Variants in NEXMIF observed in about 807,000 individuals in gnomAD.
NEXMIF encodes the protein neurite extension and migration factor, also known as XLMR protein related to neurite extension.
NEXMIF carries 8 observed loss-of-function variants against 62.1 expected under a neutral mutation model. The observed-to-expected ratio is 0.13, with a 90% CI of 0.08 to 0.23. The LOEUF is 0.23. Among genes scored for constraint, NEXMIF ranks in the 10% least tolerant of loss-of-function variants. NEXMIF has a pLI of 1.00. For synonymous variants in NEXMIF, 404 were observed against 416.6 expected (o/e 0.97, Z 0.37); for missense variants, 976 against 1,113.3 (o/e 0.88, Z 1.75).
intron 1 of NEXMIF, among the ~76,000 whole-genome samples, chrX:74,771,458 T>C (rs779058256): frequency 9.0e-6 from 1 of 111,587 alleles, no homozygotes; most frequent in Non-Finnish European, 1.9e-5. Context: ...TCTCAGTGTC[T>C]AGTACAGGGC....
intron 1 of NEXMIF, chrX:74,769,787 C>T: frequency 1.1e-5 from 6 of 534,297 alleles, no homozygotes; most frequent in Non-Finnish European, 2.0e-5. Flanking sequence ...AAGGACCTCC[C>T]TGACAACCTT....
chrX:74,807,140 A>T (rs2080347325), intron 1 of NEXMIF, among the ~76,000 whole-genome samples: 1 of 112,423 alleles, frequency 8.9e-6, no homozygotes, highest in Non-Finnish European at 1.9e-5. Context: ...GGAAGAAGTG[A>T]CATCTTGACA....
intron 1 of NEXMIF, among the ~76,000 whole-genome samples, chrX:74,841,904 T>C: frequency 8.9e-6 from 1 of 111,735 alleles, no homozygotes; most frequent in Non-Finnish European, 1.9e-5. Flanking sequence ...AGAATTTTTG[T>C]ATCAATGTTC....
At chrX:74,769,874 A>G in intron 1 of NEXMIF, 1 of 309,015 alleles carries the variant, frequency 3.2e-6, no homozygotes, top group Admixed American at 5.9e-5. Flanking sequence ...CCACCCTAAG[A>G]TAGTCAAACC....
At chrX:74,905,460 A>G (rs2080764475) in intron 1 of NEXMIF, among the ~76,000 whole-genome samples, 1 of 112,338 alleles carries the variant, frequency 8.9e-6, no homozygotes, top group Admixed American at 9.5e-5. Context: ...CCAAGTAGAG[A>G]TCCAAGTATT....
At chrX:74,794,697 C>T (rs951678674) in intron 1 of NEXMIF, among the ~76,000 whole-genome samples, 6 of 111,580 alleles carry the variant, frequency 5.4e-5, no homozygotes, top group African/African-American at 9.8e-5. Context: ...TTTTTAAGCC[C>T]GTCGGAAAAG....
chrX:74,756,621 T>C (rs1392467000), intron 1 of NEXMIF, among the ~76,000 whole-genome samples: 1 of 111,547 alleles, frequency 9.0e-6, no homozygotes, highest in Admixed American at 9.5e-5. Context: ...CCATTCTAGT[T>C]AGAATTCTGT....
chrX:74,912,536 A>T (rs1298487959), intron 1 of NEXMIF, among the ~76,000 whole-genome samples: 3 of 111,426 alleles, frequency 2.7e-5, no homozygotes, highest in African/African-American at 9.8e-5. Context: ...GCCCTACTGG[A>T]TCCATATTAA....
At chrX:74,822,543 A>G in intron 1 of NEXMIF, among the ~76,000 whole-genome samples, 1 of 112,241 alleles carries the variant, frequency 8.9e-6, no homozygotes, top group East Asian at 2.8e-4. Context: ...CAACTCAACA[A>G]TAAAAAAGTC....
chrX:74,843,388 G>A (rs1413228883), intron 1 of NEXMIF, among the ~76,000 whole-genome samples: 1 of 109,913 alleles, frequency 9.1e-6, no homozygotes, highest in African/African-American at 3.3e-5. Context: ...TGGGTCTCTT[G>A]AAGATAGCAT....
At chrX:74,838,576 T>C (rs1401745149) in intron 1 of NEXMIF, among the ~76,000 whole-genome samples, 1 of 112,317 alleles carries the variant, frequency 8.9e-6, no homozygotes, top group Admixed American at 9.4e-5. Flanking sequence ...CTTGAATGAG[T>C]GCTATTAACA....
At chrX:74,882,532 C>T (rs970829776) in intron 1 of NEXMIF, among the ~76,000 whole-genome samples, 3 of 111,903 alleles carry the variant, frequency 2.7e-5, no homozygotes, top group Non-Finnish European at 5.6e-5. Context: ...CCTACGCCCA[C>T]GGAGCCTCAC....
intron 1 of NEXMIF, among the ~76,000 whole-genome samples, chrX:74,848,999 T>C (rs960950131): frequency 5.4e-5 from 6 of 112,080 alleles, no homozygotes; most frequent in Non-Finnish European, 1.1e-4. Flanking sequence ...AATAAATTTC[T>C]GTTGTTTCTA....
At position 74,902,382 on chromosome X, in the gene NEXMIF, T is replaced by A. The variant is rs1435240624; in HGVS notation, c.-48+22501A>T. ...TATATACATATATATGTATATATATTACAGTTTTATGTATGCATATGTATA... is the reference window on the plus strand; with the variant it reads ...TATATACATATATATGTATATATATAACAGTTTTATGTATGCATATGTATA... On this transcript the variant is annotated intron_variant, in intron 1 of 3. Transcript: ENST00000055682. Among the ~76,000 whole-genome samples, 14 of 109,850 alleles carry A rather than the reference T, an allele frequency of 1.3e-4. No individual in the cohort carries two copies. The Admixed American group carries it at 1.4e-3, about 11-fold the overall frequency.
chrX:74,906,331 C>G (rs1248491853), intron 1 of NEXMIF, among the ~76,000 whole-genome samples: 1 of 109,459 alleles, frequency 9.1e-6, no homozygotes, highest in Non-Finnish European at 1.9e-5. Flanking sequence ...AGGCTGTGGA[C>G]TGGGATAAGA....
chrX:74,833,420 G>A (rs966197965), intron 1 of NEXMIF, among the ~76,000 whole-genome samples: 3 of 111,008 alleles, frequency 2.7e-5, no homozygotes, highest in African/African-American at 9.8e-5. Flanking sequence ...TGTTTCCATT[G>A]GCATGAAATA....
chrX:74,816,372 C>A (rs934166642), intron 1 of NEXMIF, among the ~76,000 whole-genome samples: 34 of 111,697 alleles, frequency 3.0e-4, no homozygotes, highest in Non-Finnish European at 5.6e-5. Flanking sequence ...ATTAACACAT[C>A]TTTGAATATT....
intron 1 of NEXMIF, among the ~76,000 whole-genome samples, chrX:74,915,569 G>A (rs1184301224): frequency 1.8e-5 from 2 of 112,189 alleles, no homozygotes; most frequent in South Asian, 3.7e-4. Context: ...ATTGCAGATA[G>A]AATTATGGTT....
intron 1 of NEXMIF, among the ~76,000 whole-genome samples, chrX:74,889,112 T>C (rs2080708264): frequency 8.9e-6 from 1 of 112,017 alleles, no homozygotes; most frequent in South Asian, 3.7e-4. Context: ...AAAGTGCTTA[T>C]TATTTCCGTT....
Sources: gnomAD v4.1 joint callset for allele counts (sites outside exome capture counted in the v4.1 genomes callset) on GRCh38, gnomAD v4.1.1 for gene constraint, MANE v1.5 for transcripts, NCBI Gene and HGNC (gene_info 2026-07-23, HGNC 2026-07-21) for gene names.